NSUN4: variants seen among roughly 807,000 people sequenced by gnomAD.
NSUN4 encodes the protein 5-cytosine rRNA methyltransferase NSUN4.
Under a neutral mutation model 43.8 loss-of-function variants are expected in NSUN4, and 31 were observed. The observed-to-expected ratio is 0.71, with a 90% confidence interval of 0.53 to 0.96. NSUN4 has a LOEUF of 0.96. Among genes scored for constraint, NSUN4 ranks in the 40% least tolerant of loss-of-function variants. NSUN4 has a pLI of 0.00. For synonymous variants in NSUN4, 167 were observed against 184.1 expected (o/e 0.91, Z 0.75); for missense variants, 439 against 475.6 (o/e 0.92, Z 0.72).
intron 1 of NSUN4, chr1:46,342,760 C>T (rs1662205477): frequency 2.5e-6 from 1 of 398,868 alleles, no homozygotes; most frequent in Non-Finnish European, 4.4e-6. Context: ...CAACCGAAGT[C>T]CCCTAAGTCC....
At chr1:46,383,026 C>G in the NSUN4 span, among the ~76,000 whole-genome samples, 1 of 152,190 alleles carries the variant, frequency 6.6e-6, no homozygotes, top group South Asian at 2.1e-4. Flanking sequence ...GTAATTCATC[C>G]CCCTCTGAAG....
In NSUN4 at chr1:46,346,993, C is replaced by A; in HGVS notation, c.510C>A (p.Gly170=). ...AASLLPVLAL[G]LQPGDIVLDL... ...CCTTGCTGCCTGTTCTGGCCCTCGG[C>A]CTGCAGCCTGGGGACATCGTGCTTG... Residue 170 remains glycine, a synonymous_variant, in exon 3 of 6, where the codon GGC becomes GGA. Transcript: ENST00000474844. 4 of 1,614,176 alleles carry A rather than the reference C, an allele frequency of 2.5e-6. No homozygotes were observed. Among genetic ancestry groups the A allele is most frequent in the Non-Finnish European group, 3.4e-6 (4 of 1,180,012 alleles).
downstream of NSUN4, chr1:46,365,022 G>C (rs1388982529): frequency 1.3e-5 from 2 of 152,208 alleles, no homozygotes; most frequent in Non-Finnish European, 2.9e-5. Context: ...AAGTGATTAT[G>C]CTCTGTGAAG....
chr1:46,347,520 T>C (rs1662603309), intron 3 of NSUN4, among the ~76,000 whole-genome samples: 1 of 152,220 alleles, frequency 6.6e-6, no homozygotes, highest in Non-Finnish European at 1.5e-5. Context: ...TAAGCTTGTG[T>C]ATTTTTTCAT....
the NSUN4 span, among the ~76,000 whole-genome samples, chr1:46,383,384 G>A: frequency 6.6e-6 from 1 of 151,566 alleles, no homozygotes; most frequent in South Asian, 2.1e-4. Flanking sequence ...CTGCTACAGG[G>A]TTTGTGGAGG....
chr1:46,355,346 A>G (rs192261677), intron 4 of NSUN4, among the ~76,000 whole-genome samples: 290 of 152,300 alleles, frequency 1.9e-3, no homozygotes, highest in Admixed American at 8.2e-3. Flanking sequence ...TGTAGATAGC[A>G]TGGTATATGG....
the NSUN4 span, among the ~76,000 whole-genome samples, chr1:46,384,149 C>T: frequency 6.6e-6 from 1 of 151,742 alleles, no homozygotes; most frequent in African/African-American, 2.4e-5. Flanking sequence ...AGTAGGTAAT[C>T]AAAAAAGGTT....
In NSUN4 at chr1:46,341,665, C is replaced by T. The variant is rs564779462; in HGVS notation, c.93+746C>T. The T allele has an allele frequency of 3.6e-5, 44 of 1,227,192 alleles. 1 individual carries two copies. The highest frequency in any genetic ancestry group is 7.8e-5 in the African/African-American group (5 of 64,280). The allele number at this position is 1,227,192 out of a possible 1,614,324, so 76.0% of individuals were successfully genotyped here. On this transcript the variant is annotated intron_variant, in intron 1 of 5. Coordinates refer to ENST00000474844, the MANE Select transcript of NSUN4 (RefSeq NM_199044.4). ...TCTCTTCCACCCCCACAACCTTCCT[C>T]GCACTCAGGGAGATGGTCTTTTGAG... is the stretch of plus-strand genomic sequence containing the variant.
chr1:46,357,811 G>T (rs1224112265), intron 4 of NSUN4, among the ~76,000 whole-genome samples: 3 of 152,098 alleles, frequency 2.0e-5, no homozygotes, highest in African/African-American at 7.2e-5. Context: ...TGCATAGACA[G>T]GTTTTGCTTT....
In NSUN4 at chr1:46,340,870, G is replaced by A. The variant is rs202074893; in HGVS notation, c.44G>A (p.Arg15His). 19 of 1,613,570 alleles carry A rather than the reference G, an allele frequency of 1.2e-5. No individual in the cohort carries two copies. The highest frequency in any genetic ancestry group is 1.4e-5 in the Non-Finnish European group (17 of 1,179,808). The change falls in exon 1 of 6, where the codon CGT (arginine) becomes CAT (histidine). Residue 15 changes from arginine (R) to histidine (H), a missense_variant. Coordinates refer to ENST00000474844, the MANE Select transcript of NSUN4 (RefSeq NM_199044.4). The part of the protein sequence containing the change: ...TLRGVRELLK[R>H]VDLATVPRRH... ...AGGGGTGTCCGGGAGCTGCTGAAGC[G>A]TGTGGACCTCGCGACGGTCCCGCGG...
chr1:46,350,427 C>T (rs1325798625), intron 3 of NSUN4, among the ~76,000 whole-genome samples: 1 of 152,072 alleles, frequency 6.6e-6, no homozygotes, highest in African/African-American at 2.4e-5. Flanking sequence ...TAGTAGTGAC[C>T]ACTATTAGAT....
chr1:46,353,279 C>T (rs1363977140), intron 4 of NSUN4, among the ~76,000 whole-genome samples: 1 of 152,106 alleles, frequency 6.6e-6, no homozygotes, highest in Non-Finnish European at 1.5e-5. Flanking sequence ...ATTTACTAGG[C>T]TTACTTTATT....
rs1271805847 is a variant in NSUN4 at position 46,342,645 on chromosome 1, GTCCTTTCCT to G, written c.93+1730_93+1738del. On this transcript the variant is annotated intron_variant, in intron 1 of 5. Coordinates refer to ENST00000474844, the MANE Select transcript of NSUN4 (RefSeq NM_199044.4). ...ATCTCGTCCCCATGGTCCTCATTCT[GTCCTTTCCT>G]TCCCTTCACCCCTGGGCAACCAGTT... 3 of 399,038 alleles carry G rather than the reference GTCCTTTCCT, an allele frequency of 7.5e-6. No homozygotes were observed. In the East Asian group the frequency reaches 1.1e-4, roughly 14 times the overall value. 24.7% of individuals were successfully genotyped at this position (399,038 alleles called of 1,614,324 possible).
chr1:46,351,704 G>A (rs1417035546), intron 3 of NSUN4, among the ~76,000 whole-genome samples: 3 of 123,542 alleles, frequency 2.4e-5, no homozygotes, highest in Admixed American at 1.0e-4. Flanking sequence ...TTGCTCTGTC[G>A]CCCAGGCTGG....
chr1:46,351,659 CTTTTTTTTTTTT>C (rs1190689943), intron 3 of NSUN4, among the ~76,000 whole-genome samples: 1 of 88,894 alleles, frequency 1.1e-5, no homozygotes, highest in Non-Finnish European at 2.1e-5. Flanking sequence ...GACCCAGTCT[CTTTTTTTTTTTT>C]TTTTTTTTTT....
At chr1:46,346,427 CTGTAA>C (rs1430955375) in intron 2 of NSUN4, among the ~76,000 whole-genome samples, 2 of 151,834 alleles carry the variant, frequency 1.3e-5, no homozygotes, top group Admixed American at 1.3e-4. Context: ...TGGCACAAGC[CTGTAA>C]TCCCAGCTAC....
chr1:46,377,840 G>A, the NSUN4 span, among the ~76,000 whole-genome samples: 2 of 152,140 alleles, frequency 1.3e-5, no homozygotes, highest in South Asian at 2.1e-4. Flanking sequence ...TTCAGGTACC[G>A]AGTAAAGAAA....
the NSUN4 span, among the ~76,000 whole-genome samples, chr1:46,375,284 A>C: frequency 2.0e-5 from 3 of 152,064 alleles, no homozygotes; most frequent in Admixed American, 6.6e-5. Flanking sequence ...AAAAATACAA[A>C]ACTAGCCAGG....
chr1:46,361,936 C>T lies in NSUN4; in HGVS notation c.*90C>T. The T allele has an allele frequency of 1.7e-6, 2 of 1,181,004 alleles. No individual in the cohort carries two copies. Among genetic ancestry groups the T allele is most frequent in the Non-Finnish European group, 1.2e-6 (1 of 835,494 alleles). 73.2% of individuals were successfully genotyped at this position (1,181,004 alleles called of 1,614,324 possible). A position where few individuals can be genotyped will look rare whatever the true frequency, so the allele number is the denominator to read the frequency against. On this transcript the variant is annotated 3_prime_UTR_variant, in exon 6 of 6. Coordinates refer to ENST00000474844, the MANE Select transcript of NSUN4 (RefSeq NM_199044.4). Reference sequence around the variant, plus strand: ...AACTGGGACCAGTGGCAGAGATGCACTCTCGGTCCTGTCTCCATCCTGTTC... The same window carrying T: ...AACTGGGACCAGTGGCAGAGATGCATTCTCGGTCCTGTCTCCATCCTGTTC...
Sources: gnomAD v4.1 joint callset for allele counts (sites outside exome capture counted in the v4.1 genomes callset) on GRCh38, gnomAD v4.1.1 for gene constraint, MANE v1.5 for transcripts, NCBI Gene and HGNC (gene_info 2026-07-23, HGNC 2026-07-21) for gene names.